The following LRRIQ1 variants were observed in gnomAD, a reference collection of about 807,000 sequenced individuals.
The protein encoded by LRRIQ1 is leucine rich repeats and IQ motif containing 1.
LRRIQ1 carries 210 observed loss-of-function variants against 211.9 expected under a neutral mutation model. The ratio of observed to expected loss-of-function variants is 0.99; its 90% CI spans 0.89 to 1.11. LRRIQ1 has a LOEUF of 1.11. LRRIQ1 is among the 50% of genes most tolerant of loss of function. The pLI is 0.00. For synonymous variants in LRRIQ1, 699 were observed against 650.1 expected (o/e 1.08, Z -1.14); for missense variants, 2,136 against 1,939.5 (o/e 1.10, Z -1.90).
intron 24 of LRRIQ1, among the ~76,000 whole-genome samples, chr12:85,210,459 G>A (rs1893786516): frequency 6.6e-6 from 1 of 152,024 alleles, no homozygotes; most frequent in African/African-American, 2.4e-5. Context: ...TTCCATTTTT[G>A]TTTTCTCTTT....
intron 1 of LRRIQ1, among the ~76,000 whole-genome samples, chr12:85,259,308 T>C (rs1896217181): frequency 6.6e-6 from 1 of 151,950 alleles, no homozygotes; most frequent in Non-Finnish European, 1.5e-5. Context: ...GAGGCCAGAG[T>C]CTCTTGCTAT....
At chr12:85,270,746 A>G in the LRRIQ1 span, among the ~76,000 whole-genome samples, 1 of 152,148 alleles carries the variant, frequency 6.6e-6, no homozygotes, top group Non-Finnish European at 1.5e-5. Context: ...TAGATACATT[A>G]ACTTTCTTTA....
intron 24 of LRRIQ1, among the ~76,000 whole-genome samples, chr12:85,180,478 T>C (rs1337238792): frequency 1.3e-5 from 2 of 151,838 alleles, no homozygotes; most frequent in Admixed American, 1.3e-4. Context: ...TTATTTTAAT[T>C]AAAAAAAATG....
intron 2 of LRRIQ1, among the ~76,000 whole-genome samples, chr12:85,039,920 G>A (rs1878665780): frequency 6.6e-6 from 1 of 151,464 alleles, no homozygotes; most frequent in African/African-American, 2.4e-5. Context: ...TGTTTATGGA[G>A]GAAGGAATTT....
intron 11 of LRRIQ1, among the ~76,000 whole-genome samples, chr12:85,082,545 C>A (rs1884410338): frequency 6.6e-6 from 1 of 151,946 alleles, no homozygotes; most frequent in South Asian, 2.1e-4. Flanking sequence ...ATTTTTATAT[C>A]CTTGACTCTA....
At chr12:85,195,972 G>C (rs2136978300) in intron 24 of LRRIQ1, among the ~76,000 whole-genome samples, 1 of 152,010 alleles carries the variant, frequency 6.6e-6, no homozygotes, top group East Asian at 1.9e-4. Flanking sequence ...AGCAACTTCA[G>C]CGAAGTCTCA....
At chr12:85,234,151 C>G (rs1184829438) in intron 26 of LRRIQ1, among the ~76,000 whole-genome samples, 2 of 152,020 alleles carry the variant, frequency 1.3e-5, no homozygotes, top group Non-Finnish European at 2.9e-5. Flanking sequence ...GTGGGAAGAT[C>G]ATTTGAGCCT....
intron 1 of LRRIQ1, among the ~76,000 whole-genome samples, chr12:85,250,947 T>TTTATATATTATATATTATATTATATATA (rs1895918740): frequency 1.9e-5 from 2 of 107,580 alleles, no homozygotes; most frequent in Non-Finnish European, 3.4e-5. Flanking sequence ...TATAATATAT[T>TTTATATATTATATATTATATTATATATA]TTATATATTA....
Position 85,124,291 on chromosome 12 carries a change from C to T in LRRIQ1, c.3779C>T (p.Ser1260Leu). The T allele has an allele frequency of 6.2e-7, 1 of 1,614,078 alleles. No individual in the cohort carries two copies. Residue 1260 changes from serine (S) to leucine (L), a missense_variant, in exon 17 of 27, where the codon TCA becomes TTA. By Grantham distance (145) the Ser-to-Leu change is moderately radical. Coordinates refer to ENST00000393217, the MANE Select transcript of LRRIQ1 (RefSeq NM_001079910.2). ...TGTGCACGTGAAGGTGAGCCAGACT[C>T]ACCAGATATTCCTGAGAAATGGATG... is the stretch of plus-strand genomic sequence containing the variant. Reference protein sequence around the residue: ...YSCAREGEPDSPDIPEKWMDS... With the variant: ...YSCAREGEPDLPDIPEKWMDS...
intron 16 of LRRIQ1, among the ~76,000 whole-genome samples, chr12:85,122,315 A>T (rs1191321132): frequency 6.6e-6 from 1 of 152,144 alleles, no homozygotes; most frequent in African/African-American, 2.4e-5. Context: ...AATAGTGTAC[A>T]TATACTTACG....
At chr12:85,215,036 T>C (rs954081767) in intron 24 of LRRIQ1, among the ~76,000 whole-genome samples, 12 of 152,092 alleles carry the variant, frequency 7.9e-5, no homozygotes, top group African/African-American at 2.4e-4. Flanking sequence ...ACGTACATCT[T>C]GTAAAAGAAA....
At chr12:85,217,828 A>G (rs1277450567) in intron 24 of LRRIQ1, among the ~76,000 whole-genome samples, 1 of 150,746 alleles carries the variant, frequency 6.6e-6, no homozygotes, top group East Asian at 2.0e-4. Flanking sequence ...TGTGTGTGGC[A>G]GTAATATTTA....
intron 26 of LRRIQ1, among the ~76,000 whole-genome samples, chr12:85,235,843 A>G (rs1018394817): frequency 6.6e-6 from 1 of 152,170 alleles, no homozygotes; most frequent in Non-Finnish European, 1.5e-5. Flanking sequence ...TCATCTTAAA[A>G]TGTGTATTGA....
At chr12:85,124,683 T>A (rs1888244277) in intron 17 of LRRIQ1, 164 bp downstream of exon 17, 3 of 596,008 alleles carry the variant, frequency 5.0e-6, no homozygotes, top group Non-Finnish European at 8.8e-6. Flanking sequence ...TTTCATGAGG[T>A]GCACAAATCA....
rs1484580029 is a variant in LRRIQ1 at position 85,056,281 on chromosome 12, G to A, written c.1488G>A (p.Leu496=). ...CAAAAAAACGATGTTCAGAAGAATT[G>A]GTCAAGCAAGAAAGAAAATATGAAA... ...NLAKKRCSEE[L]VKQERKYENT... Residue 496 remains leucine (L), a synonymous_variant, in exon 8 of 27, where the codon TTG becomes TTA. Transcript: ENST00000393217. The A allele has an allele frequency of 1.3e-6, 2 of 1,582,752 alleles. No individual in the cohort carries two copies. The highest frequency in any genetic ancestry group is 1.4e-5 in the African/African-American group (1 of 72,772).
At chr12:85,229,697 T>G (rs778896955) in intron 25 of LRRIQ1, 48 bp downstream of exon 25, 2 of 1,560,508 alleles carry the variant, frequency 1.3e-6, no homozygotes, top group South Asian at 2.4e-5. Context: ...AAACACATCT[T>G]GAAAATTGAA....
At chr12:85,200,583 T>C (rs1225573679) in intron 24 of LRRIQ1, among the ~76,000 whole-genome samples, 2 of 152,152 alleles carry the variant, frequency 1.3e-5, no homozygotes, top group African/African-American at 4.8e-5. Flanking sequence ...CAGTATGATA[T>C]TGGCTGTGGG....
chr12:85,067,110 G>GC (rs1421651061), intron 10 of LRRIQ1, among the ~76,000 whole-genome samples: 1 of 151,832 alleles, frequency 6.6e-6, no homozygotes, highest in Non-Finnish European at 1.5e-5. Context: ...GTTCTTAGCA[G>GC]TTAGTATATT....
chr12:85,137,679 G>A (rs144760886), intron 18 of LRRIQ1, among the ~76,000 whole-genome samples, 171 bp from the exon 19 acceptor site: 73 of 151,572 alleles, frequency 4.8e-4, no homozygotes, highest in African/African-American at 1.4e-3. Flanking sequence ...GACACATGTC[G>A]TCGTTTAATT....
Sources: gnomAD v4.1 joint callset for allele counts (sites outside exome capture counted in the v4.1 genomes callset) on GRCh38, gnomAD v4.1.1 for gene constraint, MANE v1.5 for transcripts, NCBI Gene and HGNC (gene_info 2026-07-23, HGNC 2026-07-21) for gene names.